ROBO2: variants seen among roughly 807,000 people sequenced by gnomAD.
The protein encoded by ROBO2 is roundabout guidance receptor 2.
In ROBO2, 53 loss-of-function variants were observed where a neutral mutation model predicts 160.8. That is an observed-to-expected ratio of 0.33 (90% CI 0.26 to 0.41). The LOEUF is 0.41. ROBO2 is among the 10% of genes least tolerant of loss of function. ROBO2 has a pLI of 1.00. For synonymous variants in ROBO2, 664 were observed against 611.7 expected (o/e 1.09, Z -1.26); for missense variants, 1,577 against 1,722.4 (o/e 0.92, Z 1.49).
chr3:76,838,550 A>T (rs1294317248), intron 2 of ROBO2, among the ~76,000 whole-genome samples: 1 of 152,042 alleles, frequency 6.6e-6, no homozygotes, highest in African/African-American at 2.4e-5. Context: ...ATCTTCCCTC[A>T]TGTCTTATGA....
At chr3:76,446,619 C>T (rs1276331228) in intron 2 of ROBO2, among the ~76,000 whole-genome samples, 1 of 152,184 alleles carries the variant, frequency 6.6e-6, no homozygotes, top group Non-Finnish European at 1.5e-5. Context: ...CTGGAGGCAT[C>T]ACACTACCTG....
chr3:76,975,539 C>T (rs1339033976), intron 2 of ROBO2, among the ~76,000 whole-genome samples: 1 of 152,102 alleles, frequency 6.6e-6, no homozygotes, highest in East Asian at 1.9e-4. Flanking sequence ...TTACTTGATC[C>T]CTTTTTAGCA....
intron 2 of ROBO2, among the ~76,000 whole-genome samples, chr3:76,836,088 C>A (rs1439576445): frequency 6.6e-6 from 1 of 151,966 alleles, no homozygotes; most frequent in Non-Finnish European, 1.5e-5. Flanking sequence ...TATTTGATTA[C>A]TATTTAGTTG....
At chr3:77,611,015 G>A (rs1479090041) in intron 21 of ROBO2, among the ~76,000 whole-genome samples, 1 of 151,868 alleles carries the variant, frequency 6.6e-6, no homozygotes, top group Non-Finnish European at 1.5e-5. Context: ...ACTGCATAGG[G>A]TGGCTGGGCG....
intron 2 of ROBO2, among the ~76,000 whole-genome samples, chr3:77,351,745 G>C (rs1003848952): frequency 6.6e-6 from 1 of 152,106 alleles, no homozygotes; most frequent in African/African-American, 2.4e-5. Context: ...GAGTGAATTA[G>C]GAAGCACTTG....
At chr3:76,025,622 C>T (rs2066716724) in intron 2 of ROBO2, among the ~76,000 whole-genome samples, 1 of 151,678 alleles carries the variant, frequency 6.6e-6, no homozygotes, top group Admixed American at 6.6e-5. Context: ...TATAGTAATA[C>T]ATTTGTAAAC....
intron 2 of ROBO2, among the ~76,000 whole-genome samples, chr3:76,559,536 G>A (rs1007492515): frequency 1.1e-4 from 16 of 152,068 alleles, no homozygotes; most frequent in African/African-American, 3.9e-4. Context: ...TTGAAGACGA[G>A]TCACCATTTG....
intron 2 of ROBO2, among the ~76,000 whole-genome samples, chr3:76,643,444 C>G (rs2090804340): frequency 6.6e-6 from 1 of 152,028 alleles, no homozygotes; most frequent in African/African-American, 2.4e-5. Flanking sequence ...GATACGACAT[C>G]CAAACAAGTA....
At chr3:76,308,823 C>A (rs1420307213) in intron 2 of ROBO2, among the ~76,000 whole-genome samples, 1 of 152,128 alleles carries the variant, frequency 6.6e-6, no homozygotes, top group Non-Finnish European at 1.5e-5. Flanking sequence ...GAGCTGTGAC[C>A]TGGTGTCTAC....
chr3:77,463,823 C>T (rs2082488857), intron 2 of ROBO2, among the ~76,000 whole-genome samples: 1 of 152,040 alleles, frequency 6.6e-6, no homozygotes, highest in Non-Finnish European at 1.5e-5. Flanking sequence ...TCAAGGGATC[C>T]CCCGACCTCG....
intron 2 of ROBO2, among the ~76,000 whole-genome samples, chr3:76,278,260 T>C (rs551602279): frequency 2.6e-4 from 39 of 151,998 alleles, no homozygotes; most frequent in African/African-American, 9.1e-4. Flanking sequence ...GTTCCAAAAG[T>C]TTGTCACTAA....
At chr3:75,971,061 A>AT (rs1338523349) in intron 2 of ROBO2, among the ~76,000 whole-genome samples, 6 of 151,290 alleles carry the variant, frequency 4.0e-5, no homozygotes, top group Non-Finnish European at 7.4e-5. Flanking sequence ...TAAAAAAAAA[A>AT]TTTACTTTTT....
chr3:76,837,579 C>A (rs531371858), intron 2 of ROBO2, among the ~76,000 whole-genome samples: 6 of 150,416 alleles, frequency 4.0e-5, no homozygotes, highest in African/African-American at 1.5e-4. Flanking sequence ...TCACATATAA[C>A]TTTCTCTTGG....
intron 2 of ROBO2, among the ~76,000 whole-genome samples, chr3:76,196,734 G>A (rs1004446316): frequency 9.9e-5 from 15 of 152,096 alleles, no homozygotes; most frequent in African/African-American, 3.6e-4. Context: ...CATCTGAGAT[G>A]TAAGGATGTT....
At position 77,078,659 on chromosome 3, in the gene ROBO2, G is replaced by T. The variant is rs189597547; in HGVS notation, c.62-19355G>T. ...AGATGAAACAACTGAGGCTCAGAGA[G>T]ACAAAGTGTTCTAGTAGCAAATGTA... On this transcript the variant is annotated intron_variant, in intron 1 of 25. Transcript: ENST00000461745. Among the ~76,000 whole-genome samples, 95 of 152,314 alleles carry T rather than the reference G, an allele frequency of 6.2e-4. No homozygotes were observed. In the Middle Eastern group the frequency reaches 0.01, roughly 16 times the overall value.
At chr3:77,510,205 A>G (rs1297076067) in intron 5 of ROBO2, among the ~76,000 whole-genome samples, 2 of 152,098 alleles carry the variant, frequency 1.3e-5, no homozygotes, top group African/African-American at 4.8e-5. Context: ...ATATTTAAAG[A>G]AGACAGTAAA....
chr3:76,946,598 C>T (rs931751389), intron 2 of ROBO2, among the ~76,000 whole-genome samples: 2 of 151,958 alleles, frequency 1.3e-5, no homozygotes, highest in East Asian at 1.9e-4. Flanking sequence ...CCACGGCATC[C>T]GGCTAATTTT....
intron 2 of ROBO2, among the ~76,000 whole-genome samples, chr3:76,642,502 G>A (rs796262708): frequency 1.1e-4 from 17 of 151,848 alleles, no homozygotes; most frequent in African/African-American, 3.6e-4. Flanking sequence ...ACAGGCATGC[G>A]CCACCACGCC....
chr3:77,519,660 T>C (rs1326548946), intron 5 of ROBO2, among the ~76,000 whole-genome samples: 2 of 151,574 alleles, frequency 1.3e-5, no homozygotes, highest in African/African-American at 4.8e-5. Context: ...CATCACATTT[T>C]CTTTATTCAA....
Sources: gnomAD v4.1 joint callset for allele counts (sites outside exome capture counted in the v4.1 genomes callset) on GRCh38, gnomAD v4.1.1 for gene constraint, MANE v1.5 for transcripts, NCBI Gene and HGNC (gene_info 2026-07-23, HGNC 2026-07-21) for gene names.